PTPRD: variants seen among roughly 807,000 people sequenced by gnomAD.
PTPRD encodes receptor-type tyrosine-protein phosphatase delta.
A neutral mutation model predicts 214.5 loss-of-function variants in PTPRD; 34 were observed. That is an observed-to-expected ratio of 0.16 (90% confidence interval 0.12 to 0.21). The LOEUF (loss-of-function observed/expected upper bound fraction) is 0.21, where lower values mean the gene tolerates loss of function less well. PTPRD is among the 10% of genes least tolerant of loss of function. The pLI is 1.00. For synonymous variants in PTPRD, 1,128 were observed against 845.7 expected (o/e 1.33, Z -5.79); for missense variants, 2,545 against 2,398.7 (o/e 1.06, Z -1.27).
At chr9:9,795,993 G>T (rs967370009) in intron 5 of PTPRD, among the ~76,000 whole-genome samples, 14 of 151,852 alleles carry the variant, frequency 9.2e-5, no homozygotes, top group African/African-American at 1.2e-4. Flanking sequence ...CAAGAAAAAA[G>T]AAAATATATA....
At chr9:9,767,911 G>T (rs755993485) in intron 5 of PTPRD, among the ~76,000 whole-genome samples, 4 of 152,154 alleles carry the variant, frequency 2.6e-5, no homozygotes, top group Admixed American at 2.6e-4. Flanking sequence ...ATATGAAGAT[G>T]TCTATGGAGC....
chr9:8,728,154 G>A (rs1410906093), intron 12 of PTPRD, among the ~76,000 whole-genome samples: 2 of 152,268 alleles, frequency 1.3e-5, no homozygotes, highest in South Asian at 2.1e-4. Context: ...AGAGGCTGAC[G>A]CAGGAGAATC....
intron 24 of PTPRD, 123 bp from the exon 25 acceptor site, chr9:8,499,963 T>G: frequency 1.5e-6 from 1 of 663,704 alleles, no homozygotes; most frequent in South Asian, 3.4e-5. Context: ...TATGTTTTCT[T>G]TGAAGAATAC....
chr9:8,503,123 G>T (rs16928048), intron 23 of PTPRD, among the ~76,000 whole-genome samples: 13,406 of 151,982 alleles, frequency 0.088, 656 homozygotes, highest in East Asian at 0.16. Flanking sequence ...TCATTTTCAT[G>T]TGAATAATCA....
intron 7 of PTPRD, among the ~76,000 whole-genome samples, chr9:9,619,765 C>G (rs982784623): frequency 2.1e-5 from 3 of 144,216 alleles, no homozygotes; most frequent in Non-Finnish European, 4.5e-5. Flanking sequence ...TATATATAAT[C>G]TATATAAGTA....
At chr9:9,041,291 G>C (rs745330486) in intron 10 of PTPRD, among the ~76,000 whole-genome samples, 1 of 152,046 alleles carries the variant, frequency 6.6e-6, no homozygotes, top group Non-Finnish European at 1.5e-5. Context: ...GGGGTTTACT[G>C]TACAGATTAT....
chr9:8,501,294 G>T (rs1328875728), intron 23 of PTPRD, among the ~76,000 whole-genome samples: 1 of 152,026 alleles, frequency 6.6e-6, no homozygotes, highest in Non-Finnish European at 1.5e-5. Flanking sequence ...ATGGGTAGGG[G>T]GAATATGTGA....
Position 8,686,441 on chromosome 9 carries a change from G to A in PTPRD, c.64+47339C>T, listed in dbSNP as rs557871911. On this transcript the variant is annotated intron_variant, in intron 12 of 45. Coordinates refer to ENST00000381196, the MANE Select transcript of PTPRD (RefSeq NM_002839.4). ...CCACAACACAGAGCCATGTCACGAA[G>A]AATTAACACATGTTCTAATTCTCAC... 9.9e-5 allele frequency among the ~76,000 whole-genome samples: 15 copies of A among 152,274 alleles called. No individual in the cohort carries two copies. The East Asian group carries it at 2.7e-3, about 27-fold the overall frequency.
intron 2 of PTPRD, among the ~76,000 whole-genome samples, chr9:10,451,342 G>A (rs1426043044): frequency 1.3e-5 from 2 of 151,758 alleles, no homozygotes; most frequent in Non-Finnish European, 1.5e-5. Flanking sequence ...AAAATGACTG[G>A]AGTCTGTGAT....
At chr9:9,457,252 C>G (rs1173821444) in intron 8 of PTPRD, among the ~76,000 whole-genome samples, 2 of 151,844 alleles carry the variant, frequency 1.3e-5, no homozygotes, top group African/African-American at 2.4e-5. Flanking sequence ...TTAATATTTG[C>G]CTAGACAAAT....
intron 9 of PTPRD, among the ~76,000 whole-genome samples, chr9:9,210,554 CT>C (rs2099947866): frequency 6.6e-6 from 1 of 152,110 alleles, no homozygotes; most frequent in African/African-American, 2.4e-5. Context: ...TTCCTTGCTT[CT>C]TTTGAATCAT....
intron 14 of PTPRD, among the ~76,000 whole-genome samples, chr9:8,562,345 T>C (rs2086729742): frequency 6.6e-6 from 1 of 152,162 alleles, no homozygotes; most frequent in African/African-American, 2.4e-5. Flanking sequence ...TTGTCACCTT[T>C]CTAAGATTAA....
rs2098688816 is a variant in PTPRD, at chr9:8,733,920, A to T, written c.-77T>A. ...AGCCGCAGCGAGTCTGTCCGATCTG[A>T]AATTTCAGCTGGAACACTTTCAGAG... is the stretch of plus-strand genomic sequence containing the variant. On this transcript the variant is annotated 5_prime_UTR_variant, in exon 12 of 46. Transcript: ENST00000381196. 7.0e-7 allele frequency: 1 copy of T among 1,433,298 alleles called. No homozygotes were observed. Among genetic ancestry groups the T allele is most frequent in the South Asian group, 1.2e-5 (1 of 81,534 alleles). 88.8% of individuals were successfully genotyped at this position (1,433,298 alleles called of 1,614,324 possible). A position where few individuals can be genotyped will look rare whatever the true frequency, so the allele number is the denominator to read the frequency against.
At chr9:10,425,215 C>G (rs148656604) in intron 2 of PTPRD, among the ~76,000 whole-genome samples, 192 of 151,826 alleles carry the variant, frequency 1.3e-3, no homozygotes, top group African/African-American at 3.9e-3. Flanking sequence ...ACAGTCAGCT[C>G]ATTAGAGTTA....
At chr9:8,779,993 A>G (rs912732460) in intron 11 of PTPRD, among the ~76,000 whole-genome samples, 3 of 152,152 alleles carry the variant, frequency 2.0e-5, no homozygotes, top group African/African-American at 7.2e-5. Flanking sequence ...TTACTGCACA[A>G]TGTAACATCA....
In PTPRD at chr9:8,389,336, T is replaced by C. The variant is rs1285563381; in HGVS notation, c.4282A>G (p.Thr1428Ala). Residue 1428 changes from threonine (T) to alanine (A), a missense_variant, in exon 37 of 46, where the codon ACA (threonine) becomes GCA (alanine). Physicochemically the swap from Thr to Ala is moderately conservative, Grantham distance 58. Transcript: ENST00000381196. ...GYRKQNAYIA[T>A]QGSLPETFGD... is the part of the protein sequence containing the mutation. ...AATGTTTCGGGGAGAGATCCCTGTG[T>C]TGCAATATAGGCATTTTGCTTCCTA... 3.2e-5 allele frequency: 51 copies of C among 1,613,194 alleles called. No individual in the cohort carries two copies. The highest frequency in any genetic ancestry group is 4.2e-5 in the Non-Finnish European group (50 of 1,179,430).
At chr9:8,929,114 T>C (rs766011170) in intron 11 of PTPRD, among the ~76,000 whole-genome samples, 39 of 152,238 alleles carry the variant, frequency 2.6e-4, no homozygotes, top group Non-Finnish European at 4.7e-4. Flanking sequence ...TTTCTAAATA[T>C]ACAATCATGT....
At chr9:9,365,740 T>A (rs1025541083) in intron 9 of PTPRD, among the ~76,000 whole-genome samples, 1 of 151,464 alleles carries the variant, frequency 6.6e-6, no homozygotes, top group Non-Finnish European at 1.5e-5. Flanking sequence ...TTGTGTGCTG[T>A]CGACCTACAG....
At chr9:9,948,545 A>C (rs1283583901) in intron 4 of PTPRD, among the ~76,000 whole-genome samples, 1 of 152,120 alleles carries the variant, frequency 6.6e-6, no homozygotes, top group African/African-American at 2.4e-5. Flanking sequence ...AAAGTCCAAT[A>C]GCTGCACTTT....
Sources: gnomAD v4.1 joint callset for allele counts (sites outside exome capture counted in the v4.1 genomes callset) on GRCh38, gnomAD v4.1.1 for gene constraint, MANE v1.5 for transcripts, NCBI Gene and HGNC (gene_info 2026-07-23, HGNC 2026-07-21) for gene names.